Variants in LYPLAL1 observed in about 807,000 individuals in gnomAD.
The protein encoded by LYPLAL1 is lysophospholipase-like protein 1.
LYPLAL1 carries 23 observed loss-of-function variants against 19.7 expected under a neutral mutation model. The observed-to-expected ratio is 1.17, with a 90% confidence interval of 0.84 to 1.65. The LOEUF is 1.65. Ranked by LOEUF, LYPLAL1 falls within the 40% of genes most tolerant of loss-of-function variation. The pLI is 0.00. For synonymous variants in LYPLAL1, 119 were observed against 96.3 expected (o/e 1.24, Z -1.38); for missense variants, 355 against 279.4 (o/e 1.27, Z -1.93).
chr1:219,341,701 G>A, the LYPLAL1 span, among the ~76,000 whole-genome samples: 1 of 152,000 alleles, frequency 6.6e-6, no homozygotes, highest in Non-Finnish European at 1.5e-5. Context: ...TTTCTAGTAG[G>A]TGGACTTACA....
chr1:219,179,565 C>G (rs1221120484), intron 2 of LYPLAL1: 1 of 214,238 alleles, frequency 4.7e-6, no homozygotes, highest in Non-Finnish European at 9.1e-6. Flanking sequence ...TACATTCACC[C>G]CAAAAGGAAA....
At chr1:219,316,107 T>C in the LYPLAL1 span, among the ~76,000 whole-genome samples, 2 of 152,184 alleles carry the variant, frequency 1.3e-5, no homozygotes, top group Non-Finnish European at 2.9e-5. Context: ...TTTAGCTCAG[T>C]TGATGAAGGC....
chr1:219,440,292 TA>T, the LYPLAL1 span, among the ~76,000 whole-genome samples: 1 of 151,996 alleles, frequency 6.6e-6, no homozygotes, highest in Non-Finnish European at 1.5e-5. Context: ...TTTCTTCTTT[TA>T]AAAAAACCTA....
chr1:219,381,949 C>T, the LYPLAL1 span, among the ~76,000 whole-genome samples: 12 of 152,164 alleles, frequency 7.9e-5, no homozygotes, highest in Admixed American at 7.9e-4. Context: ...CTAGGCAGCT[C>T]CCCACTCCTT....
the LYPLAL1 span, among the ~76,000 whole-genome samples, chr1:219,241,596 A>C: frequency 6.6e-6 from 1 of 152,190 alleles, no homozygotes; most frequent in African/African-American, 2.4e-5. Context: ...ACATTGACCC[A>C]GTACAATTTC....
chr1:219,415,134 G>C, the LYPLAL1 span, among the ~76,000 whole-genome samples: 8 of 152,160 alleles, frequency 5.3e-5, no homozygotes, highest in African/African-American at 1.9e-4. Context: ...AGGGAGAAAA[G>C]ACTTCAAAAG....
At chr1:219,245,195 T>C in the LYPLAL1 span, among the ~76,000 whole-genome samples, 1 of 80,594 alleles carries the variant, frequency 1.2e-5, no homozygotes, top group Non-Finnish European at 2.6e-5. Flanking sequence ...CTTCCTTCCT[T>C]CCTTCCTTCC....
the LYPLAL1 span, among the ~76,000 whole-genome samples, chr1:219,248,640 A>G: frequency 6.6e-6 from 1 of 152,084 alleles, no homozygotes; most frequent in Non-Finnish European, 1.5e-5. Flanking sequence ...TATTTCAGCC[A>G]TTGTGGGGAC....
At chr1:219,227,835 G>C in the LYPLAL1 span, among the ~76,000 whole-genome samples, 1 of 152,144 alleles carries the variant, frequency 6.6e-6, no homozygotes, top group Non-Finnish European at 1.5e-5. Flanking sequence ...TATTCTATCA[G>C]CTTGGATGCT....
the LYPLAL1 span, among the ~76,000 whole-genome samples, chr1:219,241,408 T>TA: frequency 1.3e-5 from 2 of 151,984 alleles, no homozygotes; most frequent in Admixed American, 6.6e-5. Flanking sequence ...CAAGAAAACT[T>TA]ACATTAGGTG....
At chr1:219,404,015 C>T in the LYPLAL1 span, among the ~76,000 whole-genome samples, 1 of 152,130 alleles carries the variant, frequency 6.6e-6, no homozygotes, top group Non-Finnish European at 1.5e-5. Context: ...GGCTTTCTTC[C>T]TGGCTTGCAG....
the LYPLAL1 span, among the ~76,000 whole-genome samples, chr1:219,429,407 C>T: frequency 1.3e-5 from 2 of 152,168 alleles, no homozygotes; most frequent in Admixed American, 6.5e-5. Flanking sequence ...CCTGTAGTCC[C>T]AGCTCTTTGG....
the LYPLAL1 span, among the ~76,000 whole-genome samples, chr1:219,326,901 G>A: frequency 6.6e-6 from 1 of 152,162 alleles, no homozygotes; most frequent in Non-Finnish European, 1.5e-5. Context: ...AGCCCAAAGA[G>A]AAAAATGCTG....
rs575012331 is a variant in LYPLAL1 at position 219,211,587 on chromosome 1, C to T, written c.573C>T (p.Asn191=). Reference sequence around the variant, plus strand: ...TTCATTCTTGGGCAGAAGAGACAAACTCAATGTTAAAATCTCTAGGAGTGA... The same window carrying T: ...TTCATTCTTGGGCAGAAGAGACAAATTCAATGTTAAAATCTCTAGGAGTGA... ...LVLHSWAEET[N]SMLKSLGVTT... The change falls in exon 5 of 5, where the codon AAC becomes AAT. Residue 191 remains asparagine (N), a synonymous_variant. Coordinates refer to ENST00000366928, the MANE Select transcript of LYPLAL1 (RefSeq NM_138794.5). 11 of 1,613,298 alleles carry T rather than the reference C, an allele frequency of 6.8e-6. No individual in the cohort carries two copies. The highest frequency in any genetic ancestry group is 6.7e-5 in the East Asian group (3 of 44,844).
the LYPLAL1 span, among the ~76,000 whole-genome samples, chr1:219,300,023 G>A: frequency 5.3e-5 from 8 of 152,164 alleles, no homozygotes; most frequent in Non-Finnish European, 4.4e-5. Flanking sequence ...CTGTCACCCA[G>A]GTTGGAGTGC....
chr1:219,234,379 G>C, the LYPLAL1 span, among the ~76,000 whole-genome samples: 1 of 151,910 alleles, frequency 6.6e-6, no homozygotes, highest in Non-Finnish European at 1.5e-5. Context: ...AATTATTATA[G>C]AGCCTAAAAC....
downstream of LYPLAL1, among the ~76,000 whole-genome samples, chr1:219,214,542 A>G (rs1052881672): frequency 4.6e-4 from 70 of 152,006 alleles, 2 homozygotes; most frequent in Admixed American, 2.0e-4. Context: ...TCTTACAGCA[A>G]TATTATGCCA....
chr1:219,381,107 C>T, the LYPLAL1 span, among the ~76,000 whole-genome samples: 24 of 152,228 alleles, frequency 1.6e-4, no homozygotes, highest in South Asian at 4.6e-3. Context: ...ATAATTCCCA[C>T]GCATCATGAG....
At chr1:219,414,892 A>G in the LYPLAL1 span, among the ~76,000 whole-genome samples, 2 of 152,202 alleles carry the variant, frequency 1.3e-5, no homozygotes, top group Non-Finnish European at 2.9e-5. Flanking sequence ...GAATATTAGC[A>G]GCATGAGAAA....
Sources: allele counts gnomAD v4.1 joint callset (sites outside exome capture counted in the v4.1 genomes callset), GRCh38; gene constraint gnomAD v4.1.1; transcripts MANE v1.5; gene names NCBI Gene and HGNC (gene_info 2026-07-23, HGNC 2026-07-21).